The following PKP4 variants were observed in gnomAD, a reference collection of about 807,000 sequenced individuals.
The protein encoded by PKP4 is plakophilin-4.
PKP4 carries 90 observed loss-of-function variants against 145.1 expected under a neutral mutation model. The ratio of observed to expected loss-of-function variants is 0.62; its 90% confidence interval spans 0.52 to 0.74. The LOEUF (loss-of-function observed/expected upper bound fraction) is 0.74. Ranked by LOEUF, PKP4 falls within the 30% of genes least tolerant of loss-of-function variation. The pLI is 0.00. For missense variants in PKP4, 1,340 were observed against 1,482.7 expected, an observed-to-expected ratio of 0.90 and a Z score of 1.58; for synonymous variants, 563 against 577.2, an observed-to-expected ratio of 0.98 and a Z score of 0.35.
chr2:158,638,438 C>T (rs1377899886), intron 9 of PKP4, among the ~76,000 whole-genome samples: 1 of 152,102 alleles, frequency 6.6e-6, no homozygotes, highest in Non-Finnish European at 1.5e-5. Context: ...AATGGAAGGA[C>T]CCAAGACTGA....
chr2:158,533,592 T>G, intron 2 of PKP4: 1 of 510,942 alleles, frequency 2.0e-6, no homozygotes, highest in Non-Finnish European at 3.8e-6. Flanking sequence ...GCAGAGTGTG[T>G]GCATGCACGC....
chr2:158,537,251 T>C (rs1414257867), intron 2 of PKP4, among the ~76,000 whole-genome samples: 1 of 152,210 alleles, frequency 6.6e-6, no homozygotes, highest in Non-Finnish European at 1.5e-5. Context: ...TTAAATTCAA[T>C]CTTTGCATAG....
intron 2 of PKP4, among the ~76,000 whole-genome samples, chr2:158,553,023 G>A (rs1386917716): frequency 6.6e-6 from 1 of 152,112 alleles, no homozygotes; most frequent in Admixed American, 6.5e-5. Context: ...AAACTTAGCT[G>A]AATTGTCTCT....
At chr2:158,528,943 A>T (rs1385648612) in intron 1 of PKP4, among the ~76,000 whole-genome samples, 2 of 152,200 alleles carry the variant, frequency 1.3e-5, no homozygotes, top group African/African-American at 4.8e-5. Context: ...CCTGAGGAAC[A>T]TTCACATCTG....
At chr2:158,554,747 T>G (rs549783107) in intron 2 of PKP4, among the ~76,000 whole-genome samples, 125 of 152,236 alleles carry the variant, frequency 8.2e-4, no homozygotes, top group Non-Finnish European at 1.6e-3. Flanking sequence ...TCATCAAAAA[T>G]TGCTATCCAT....
At chr2:158,554,709 G>A (rs191560583) in intron 2 of PKP4, among the ~76,000 whole-genome samples, 42 of 152,302 alleles carry the variant, frequency 2.8e-4, no homozygotes, top group South Asian at 8.3e-4. Context: ...GCAGGCGTGA[G>A]CCACTGCGCC....
At chr2:158,665,525 G>C (rs1040965228) in intron 15 of PKP4, among the ~76,000 whole-genome samples, 3 of 151,948 alleles carry the variant, frequency 2.0e-5, no homozygotes, top group Non-Finnish European at 4.4e-5. Flanking sequence ...TACTGTCTTG[G>C]TCACAGCAGG....
At chr2:158,657,762 G>A (rs1011580875) in intron 11 of PKP4, among the ~76,000 whole-genome samples, 2 of 152,150 alleles carry the variant, frequency 1.3e-5, no homozygotes, top group African/African-American at 4.8e-5. Context: ...GCAATGAATA[G>A]CAGTTTTGTA....
Position 158,504,357 on chromosome 2 carries a change from A to G in PKP4, c.-5-28823A>G, listed in dbSNP as rs571719001. On this transcript the variant is annotated intron_variant, in intron 1 of 21. Coordinates refer to ENST00000389759, the MANE Select transcript of PKP4 (RefSeq NM_003628.6). ...GAATGAACAAATGAACAATTGTCCT[A>G]CTTCCCCGCAGTGTAATAGTTACTC... 2.8e-4 allele frequency among the ~76,000 whole-genome samples: 42 copies of G among 152,296 alleles called. 1 individual carries two copies. The highest frequency in any genetic ancestry group is 7.9e-4 in the African/African-American group (33 of 41,582).
chr2:158,582,006 A>T (rs796541234), intron 3 of PKP4, among the ~76,000 whole-genome samples: 3 of 152,326 alleles, frequency 2.0e-5, no homozygotes, highest in African/African-American at 7.2e-5. Context: ...TCTGAAGTTG[A>T]TGAAGTCTGT....
intron 2 of PKP4, among the ~76,000 whole-genome samples, chr2:158,536,724 C>T (rs2044078591): frequency 6.6e-6 from 1 of 152,174 alleles, no homozygotes; most frequent in African/African-American, 2.4e-5. Flanking sequence ...GATAACCTCT[C>T]ACAGTGGTAT....
intron 4 of PKP4, among the ~76,000 whole-genome samples, chr2:158,603,800 G>A (rs547572929): frequency 1.3e-5 from 2 of 152,300 alleles, no homozygotes; most frequent in African/African-American, 4.8e-5. Flanking sequence ...AATCAGTAAT[G>A]TGAACAATGT....
At chr2:158,543,356 G>A (rs2044688932) in intron 2 of PKP4, among the ~76,000 whole-genome samples, 1 of 152,078 alleles carries the variant, frequency 6.6e-6, no homozygotes, top group African/African-American at 2.4e-5. Flanking sequence ...AGTGGTAGAG[G>A]CTAAAAAGAG....
intron 2 of PKP4, among the ~76,000 whole-genome samples, chr2:158,548,159 G>C (rs1245848899): frequency 1.3e-5 from 2 of 152,156 alleles, no homozygotes; most frequent in East Asian, 1.9e-4. Flanking sequence ...TAAGGAGCCT[G>C]TATTGGTAGT....
At position 158,661,314 on chromosome 2, in the gene PKP4, C is replaced by T; in HGVS notation, c.2094-19C>T. 1 of 1,582,610 alleles carries T rather than the reference C, an allele frequency of 6.3e-7. No homozygotes were observed. The highest frequency in any genetic ancestry group is 8.7e-7 in the Non-Finnish European group (1 of 1,152,370). ...TGCATGGTTCATCTCAGCAGCTCCT[C>T]CTGTCTCCACCCCTTTAGGAACCTC... On this transcript the variant is annotated intron_variant, in intron 12 of 21. Coordinates refer to ENST00000389759, the MANE Select transcript of PKP4 (RefSeq NM_003628.6).
intron 3 of PKP4, among the ~76,000 whole-genome samples, chr2:158,590,352 T>TGTGTGG (rs1266131943): frequency 2.1e-5 from 3 of 142,152 alleles, no homozygotes; most frequent in Non-Finnish European, 4.7e-5. Context: ...TGTGTGTGTG[T>TGTGTGG]GTGTGTATTG....
At position 158,555,393 on chromosome 2, in the gene PKP4, G is replaced by A. The variant is rs1403720298; in HGVS notation, c.133-21878G>A. On this transcript the variant is annotated intron_variant, in intron 2 of 21. Transcript: ENST00000389759. Reference sequence around the variant, plus strand: ...TTAATAATAAAGCAAAATGTAATTAGATCTGCTACAGAAACATCATACTCT... The same window carrying A: ...TTAATAATAAAGCAAAATGTAATTAAATCTGCTACAGAAACATCATACTCT... Among the ~76,000 whole-genome samples, 3 of 152,198 alleles carry A rather than the reference G, an allele frequency of 2.0e-5. No homozygotes were observed. In the East Asian group the frequency reaches 5.8e-4, roughly 29 times the overall value.
chr2:158,572,118 C>G (rs76806239), intron 2 of PKP4, among the ~76,000 whole-genome samples: 1 of 151,880 alleles, frequency 6.6e-6, no homozygotes, highest in Non-Finnish European at 1.5e-5. Context: ...CATGCAGGAA[C>G]AGACATGAAA....
At chr2:158,595,314 A>T (rs1005370231) in intron 3 of PKP4, among the ~76,000 whole-genome samples, 4 of 152,202 alleles carry the variant, frequency 2.6e-5, no homozygotes, top group Non-Finnish European at 5.9e-5. Flanking sequence ...ACTTCTCACC[A>T]TGCTTATTGT....
Sources: gnomAD v4.1 joint callset for allele counts (sites outside exome capture counted in the v4.1 genomes callset) on GRCh38, gnomAD v4.1.1 for gene constraint, MANE v1.5 for transcripts, NCBI Gene and HGNC (gene_info 2026-07-23, HGNC 2026-07-21) for gene names.